TSHR: variants seen among roughly 807,000 people sequenced by gnomAD.
The protein encoded by TSHR is thyrotropin receptor.
A neutral mutation model predicts 64.1 loss-of-function variants in TSHR; 51 were observed. The ratio of observed to expected loss-of-function variants is 0.80; its 90% CI spans 0.64 to 1.01. The LOEUF is 1.01. Among genes scored for constraint, TSHR ranks in the 50% least tolerant of loss-of-function variants. TSHR has a pLI of 0.00. For synonymous variants in TSHR, 361 were observed against 361.9 expected (o/e 1.00, Z 0.03); for missense variants, 877 against 942.8 (o/e 0.93, Z 0.91).
chr14:80,986,317 G>C (rs1218425861), intron 1 of TSHR, among the ~76,000 whole-genome samples: 1 of 152,084 alleles, frequency 6.6e-6, no homozygotes, highest in Non-Finnish European at 1.5e-5. Flanking sequence ...GATAGAGAGA[G>C]ATAGATAGAG....
rs1462898896 is a variant in TSHR, at chr14:81,139,707, C to G, written c.721C>G (p.Leu241Val). The G allele has an allele frequency of 1.2e-6, 2 of 1,614,068 alleles. No homozygotes were observed. Among genetic ancestry groups the G allele is most frequent in the African/African-American group, 2.7e-5 (2 of 74,914 alleles). The change falls in exon 9 of 10, where the codon CTT becomes GTT. Residue 241 changes from leucine (L) to valine (V), a missense_variant. By Grantham distance (32) the Leu-to-Val change is conservative. Coordinates refer to ENST00000298171, the MANE Select transcript of TSHR (RefSeq NM_000369.5). ...LDVSQTSVTALPSKGLEHLKE... is the reference protein window; with the variant it reads ...LDVSQTSVTAVPSKGLEHLKE... ...CGTGTCTCAAACCAGTGTCACTGCCCTTCCATCCAAAGGCCTGGAGCACCT... is the reference window on the plus strand; with the variant it reads ...CGTGTCTCAAACCAGTGTCACTGCCGTTCCATCCAAAGGCCTGGAGCACCT...
intron 1 of TSHR, among the ~76,000 whole-genome samples, chr14:80,960,950 C>A (rs1886990465): frequency 6.6e-6 from 1 of 152,234 alleles, no homozygotes; most frequent in African/African-American, 2.4e-5. Flanking sequence ...CAATAATTTC[C>A]CAACTGTCCC....
At chr14:80,984,687 C>T (rs183847858) in intron 1 of TSHR, among the ~76,000 whole-genome samples, 122 of 152,308 alleles carry the variant, frequency 8.0e-4, no homozygotes, top group African/African-American at 2.7e-3. Flanking sequence ...TTCTTAACTT[C>T]CTCCACATGC....
chr14:81,127,994 G>A (rs942780196), intron 8 of TSHR, among the ~76,000 whole-genome samples: 3 of 152,124 alleles, frequency 2.0e-5, no homozygotes, highest in Admixed American at 6.5e-5. Flanking sequence ...TACAGGATAC[G>A]GCAATTTTCC....
At chr14:80,975,197 T>C (rs769556112) in intron 1 of TSHR, among the ~76,000 whole-genome samples, 11 of 152,212 alleles carry the variant, frequency 7.2e-5, no homozygotes, top group Admixed American at 1.3e-4. Flanking sequence ...TTATTGTTTG[T>C]CACATATTTT....
chr14:80,995,551 A>C (rs2139748547), intron 1 of TSHR: 1 of 152,322 alleles, frequency 6.6e-6, no homozygotes, highest in African/African-American at 2.4e-5. Context: ...GCTGGAGGTC[A>C]TTATCCTCAG....
chr14:80,970,805 G>A (rs1887551844), intron 1 of TSHR, among the ~76,000 whole-genome samples: 2 of 152,242 alleles, frequency 1.3e-5, no homozygotes, highest in South Asian at 4.1e-4. Flanking sequence ...ACAACTGTAT[G>A]TCCTATACCT....
intron 1 of TSHR, among the ~76,000 whole-genome samples, chr14:80,980,479 C>T (rs1179543497): frequency 6.6e-6 from 1 of 152,148 alleles, no homozygotes; most frequent in Non-Finnish European, 1.5e-5. Flanking sequence ...TGTTATTGTA[C>T]CCTCTCTTGC....
chr14:81,005,237 G>A (rs1889538416), intron 1 of TSHR, among the ~76,000 whole-genome samples: 1 of 104,514 alleles, frequency 9.6e-6, no homozygotes, highest in African/African-American at 3.2e-5. Flanking sequence ...GTGTGTGTGT[G>A]TGTGCACGCA....
chr14:81,128,084 A>G (rs1037350139), intron 8 of TSHR, among the ~76,000 whole-genome samples: 2 of 152,226 alleles, frequency 1.3e-5, no homozygotes, highest in African/African-American at 2.4e-5. Context: ...ATAAGAAATG[A>G]TTGTAGTAAT....
chr14:80,998,310 T>C (rs991170428), intron 1 of TSHR, among the ~76,000 whole-genome samples: 8 of 152,068 alleles, frequency 5.3e-5, no homozygotes, highest in Non-Finnish European at 1.2e-4. Context: ...ATCAATATTG[T>C]TTGAGTGCTA....
intron 3 of TSHR, among the ~76,000 whole-genome samples, chr14:81,077,322 T>C (rs1303602089): frequency 6.6e-6 from 1 of 152,216 alleles, no homozygotes; most frequent in Non-Finnish European, 1.5e-5. Context: ...TGAACATGCA[T>C]TTTAAAAATA....
At chr14:81,021,483 A>G (rs560456160) in intron 1 of TSHR, among the ~76,000 whole-genome samples, 1 of 152,270 alleles carries the variant, frequency 6.6e-6, no homozygotes, top group African/African-American at 2.4e-5. Flanking sequence ...AGGGAAAGGG[A>G]GAAAGGAAAG....
chr14:81,056,925 A>T (rs969891073), intron 1 of TSHR, among the ~76,000 whole-genome samples: 54 of 152,320 alleles, frequency 3.5e-4, no homozygotes, highest in South Asian at 2.1e-4. Context: ...AAAATACAAA[A>T]CACAAGAGAA....
In TSHR at chr14:81,144,076, C is replaced by A; in HGVS notation, c.2018C>A (p.Ala673Asp). ...CTCTTCTATCCACTTAACTCCTGTG[C>A]CAATCCATTCCTCTATGCTATTTTC... ...LVLFYPLNSCANPFLYAIFTK... is the reference protein window; with the variant it reads ...LVLFYPLNSCDNPFLYAIFTK... Residue 673 changes from alanine to aspartate, a missense_variant, in exon 10 of 10, where the codon GCC becomes GAC. Coordinates refer to ENST00000298171, the MANE Select transcript of TSHR (RefSeq NM_000369.5). 3 of 1,614,204 alleles carry A rather than the reference C, an allele frequency of 1.9e-6. No individual in the cohort carries two copies. Among genetic ancestry groups the A allele is most frequent in the Non-Finnish European group, 2.5e-6 (3 of 1,180,048 alleles).
chr14:80,967,149 T>C lies in TSHR; in HGVS notation c.170+11299T>C, dbSNP rs182216123. Among the ~76,000 whole-genome samples the C allele has an allele frequency of 7.8e-3, 1,144 of 145,856 alleles. 11 individuals carry two copies. The highest frequency in any genetic ancestry group is 9.9e-3 in the Non-Finnish European group (666 of 66,946). On this transcript the variant is annotated intron_variant, in intron 1 of 9. Coordinates refer to ENST00000298171, the MANE Select transcript of TSHR (RefSeq NM_000369.5). ...TAAAAAAGGAATCCAGGCTAATATC[T>C]GGAGGAGAAAAAAAAATTATATATA...
intron 1 of TSHR, among the ~76,000 whole-genome samples, chr14:81,036,373 T>C (rs1884626425): frequency 6.6e-6 from 1 of 152,092 alleles, no homozygotes; most frequent in Admixed American, 6.5e-5. Flanking sequence ...GAATCCCCAC[T>C]AGACTATCAG....
chr14:80,999,926 C>CTT lies in TSHR; in HGVS notation c.170+44083_170+44084dup, dbSNP rs887541689. On this transcript the variant is annotated intron_variant, in intron 1 of 9. Transcript: ENST00000298171. ...TGGGGAAGACTACCAAATTTTTTTTCTTTTTTTTCTTTTTTTTTTTTTTGA... is the reference window on the plus strand; with the variant it reads ...TGGGGAAGACTACCAAATTTTTTTTCTTTTTTTTTTCTTTTTTTTTTTTTTGA... Among the ~76,000 whole-genome samples, 1,072 of 142,812 alleles carry CTT rather than the reference C, an allele frequency of 7.5e-3. 28 individuals carry two copies. Among genetic ancestry groups the CTT allele is most frequent in the African/African-American group, 0.026 (1,013 of 38,284 alleles). 93.7% of individuals were successfully genotyped at this position (142,812 alleles called of 152,430 possible).
chr14:80,985,193 TG>T (rs1888379073), intron 1 of TSHR, among the ~76,000 whole-genome samples: 1 of 152,202 alleles, frequency 6.6e-6, no homozygotes, highest in African/African-American at 2.4e-5. Flanking sequence ...GAGCTTGCAG[TG>T]GGCGGAGATC....
Sources: allele counts gnomAD v4.1 joint callset (sites outside exome capture counted in the v4.1 genomes callset), GRCh38; gene constraint gnomAD v4.1.1; transcripts MANE v1.5; gene names NCBI Gene and HGNC (gene_info 2026-07-23, HGNC 2026-07-21).